Variants in SLC35F1 observed in about 807,000 individuals in gnomAD.
SLC35F1 encodes the protein chromosome 6 open reading frame 169.
In SLC35F1, 14 loss-of-function variants were observed where a neutral mutation model predicts 48.7. The observed-to-expected ratio is 0.29, with a 90% confidence interval of 0.19 to 0.45. The LOEUF (loss-of-function observed/expected upper bound fraction) is 0.45, where lower values mean the gene tolerates loss of function less well. Among genes scored for constraint, SLC35F1 ranks in the 20% least tolerant of loss-of-function variants. The probability of loss-of-function intolerance (pLI) is 1.00; values close to 1 mark genes in which losing one functional copy is unlikely to be tolerated. For missense variants in SLC35F1, 404 were observed against 500.0 expected (o/e 0.81, Z 1.83); for synonymous variants, 190 against 202.2 (o/e 0.94, Z 0.51).
chr6:118,132,904 G>A (rs571272777), intron 1 of SLC35F1, among the ~76,000 whole-genome samples: 2 of 152,088 alleles, frequency 1.3e-5, no homozygotes, highest in South Asian at 2.1e-4. Context: ...CATGGTTGTC[G>A]GGACTTTTTT....
At chr6:118,201,219 G>A (rs374534796) in intron 2 of SLC35F1, among the ~76,000 whole-genome samples, 17 of 152,276 alleles carry the variant, frequency 1.1e-4, no homozygotes, top group East Asian at 9.7e-4. Context: ...TGCCAAATTT[G>A]GCAGAAGTGG....
intron 1 of SLC35F1, among the ~76,000 whole-genome samples, chr6:118,103,571 G>A (rs868449656): frequency 2.6e-5 from 4 of 152,158 alleles, no homozygotes; most frequent in Admixed American, 6.5e-5. Context: ...TCCACTTGCC[G>A]AACACACTGC....
chr6:118,213,984 A>T (rs1309676170), intron 2 of SLC35F1, among the ~76,000 whole-genome samples: 1 of 152,192 alleles, frequency 6.6e-6, no homozygotes, highest in Non-Finnish European at 1.5e-5. Context: ...TATTTCAAAA[A>T]ATTATTAAAA....
At chr6:117,970,427 AT>A (rs1275228113) in intron 1 of SLC35F1, among the ~76,000 whole-genome samples, 1 of 152,274 alleles carries the variant, frequency 6.6e-6, no homozygotes, top group East Asian at 1.9e-4. Context: ...ATGACCTTGA[AT>A]TTCTCTATCT....
intron 3 of SLC35F1, among the ~76,000 whole-genome samples, chr6:118,251,010 A>G (rs1192027277): frequency 3.3e-5 from 5 of 152,094 alleles, no homozygotes. Context: ...AGTCATGGCC[A>G]GGAGCGGTGG....
At position 117,907,360 on chromosome 6, in the gene SLC35F1, A is replaced by T. The variant is rs1167133228; in HGVS notation, c.-367A>T. ...CGAGGAGACCCGGGCACGAGGAAAC[A>T]AGGAGAAATCAGGACTCCTTCCCCG... On this transcript the variant is annotated 5_prime_UTR_variant, in exon 1 of 8. Coordinates refer to ENST00000360388, the MANE Select transcript of SLC35F1 (RefSeq NM_001029858.4). Among the ~76,000 whole-genome samples, 6 of 150,710 alleles carry T rather than the reference A, an allele frequency of 4.0e-5. No homozygotes were observed. The highest frequency in any genetic ancestry group is 7.4e-5 in the Non-Finnish European group (5 of 67,588).
intron 2 of SLC35F1, among the ~76,000 whole-genome samples, chr6:118,180,680 T>A (rs1426666188): frequency 2.0e-5 from 3 of 151,874 alleles, no homozygotes; most frequent in Non-Finnish European, 4.4e-5. Flanking sequence ...AATAGAAAGA[T>A]GAAAATATGA....
intron 2 of SLC35F1, among the ~76,000 whole-genome samples, chr6:118,190,510 C>T (rs1251600756): frequency 6.6e-6 from 1 of 151,952 alleles, no homozygotes; most frequent in African/African-American, 2.4e-5. Flanking sequence ...AAACTTGGGG[C>T]CTTAGCACCA....
At chr6:117,936,751 A>T (rs1321473860) in intron 1 of SLC35F1, among the ~76,000 whole-genome samples, 1 of 147,966 alleles carries the variant, frequency 6.8e-6, no homozygotes, top group Non-Finnish European at 1.5e-5. Flanking sequence ...CAGTTCTTTT[A>T]AAAAAAAACT....
chr6:118,144,694 T>C (rs1773946156), intron 1 of SLC35F1, among the ~76,000 whole-genome samples: 1 of 151,844 alleles, frequency 6.6e-6, no homozygotes, highest in Non-Finnish European at 1.5e-5. Flanking sequence ...CCCCTAGTAT[T>C]ACGGAAGAAA....
Position 118,015,008 on chromosome 6 carries a change from C to A in SLC35F1, c.173+107109C>A, listed in dbSNP as rs112126958. On this transcript the variant is annotated intron_variant, in intron 1 of 7. Transcript: ENST00000360388. ...AGATAATTGAATCACAGGGGCAGTTCCCCCATACTGTTCTCATGGTCGTGA... is the reference window on the plus strand; with the variant it reads ...AGATAATTGAATCACAGGGGCAGTTACCCCATACTGTTCTCATGGTCGTGA... Among the ~76,000 whole-genome samples the A allele has an allele frequency of 4.2e-3, 638 of 152,228 alleles. 6 individuals carry two copies. Among genetic ancestry groups the A allele is most frequent in the African/African-American group, 0.014 (597 of 41,542 alleles).
At chr6:117,918,205 G>A (rs1374797550) in intron 1 of SLC35F1, among the ~76,000 whole-genome samples, 1 of 152,160 alleles carries the variant, frequency 6.6e-6, no homozygotes, top group Non-Finnish European at 1.5e-5. Context: ...AAGGAATAGA[G>A]TGTAAGGAGA....
At chr6:118,111,995 C>T (rs1773409009) in intron 1 of SLC35F1, among the ~76,000 whole-genome samples, 1 of 152,178 alleles carries the variant, frequency 6.6e-6, no homozygotes, top group Non-Finnish European at 1.5e-5. Context: ...ATAATGTTTT[C>T]TAAACAGACC....
chr6:117,940,600 G>A (rs1039002932), intron 1 of SLC35F1, among the ~76,000 whole-genome samples: 4 of 151,980 alleles, frequency 2.6e-5, no homozygotes, highest in Admixed American at 6.6e-5. Context: ...CCTGTGTTCC[G>A]CAACAGATAA....
At chr6:118,029,993 G>T (rs1329908147) in intron 1 of SLC35F1, among the ~76,000 whole-genome samples, 2 of 152,168 alleles carry the variant, frequency 1.3e-5, no homozygotes, top group East Asian at 3.9e-4. Context: ...TGCATTAATT[G>T]TGCCATGATA....
intron 1 of SLC35F1, among the ~76,000 whole-genome samples, chr6:117,923,169 A>G (rs1207047281): frequency 1.3e-5 from 2 of 152,310 alleles, no homozygotes; most frequent in Non-Finnish European, 2.9e-5. Context: ...ACATGACAAT[A>G]CAGCCCAAAG....
At chr6:118,208,776 C>T (rs1562325854) in intron 2 of SLC35F1, among the ~76,000 whole-genome samples, 1 of 152,170 alleles carries the variant, frequency 6.6e-6, no homozygotes, top group Admixed American at 6.5e-5. Flanking sequence ...AAGTGTGGCG[C>T]TGTGGCATGC....
chr6:117,962,251 G>A (rs1776507140), intron 1 of SLC35F1, among the ~76,000 whole-genome samples: 1 of 152,154 alleles, frequency 6.6e-6, no homozygotes, highest in Non-Finnish European at 1.5e-5. Flanking sequence ...CCCTTCTTGA[G>A]TACTGTGTGT....
intron 1 of SLC35F1, among the ~76,000 whole-genome samples, chr6:118,130,382 A>C (rs899254779): frequency 6.6e-6 from 1 of 152,210 alleles, no homozygotes; most frequent in Non-Finnish European, 1.5e-5. Context: ...AAGTAAAAAA[A>C]ACTGGTTTAC....
Sources: gnomAD v4.1 joint callset for allele counts (sites outside exome capture counted in the v4.1 genomes callset) on GRCh38, gnomAD v4.1.1 for gene constraint, MANE v1.5 for transcripts, NCBI Gene and HGNC (gene_info 2026-07-23, HGNC 2026-07-21) for gene names.